Variants in AK7 observed in about 807,000 individuals in gnomAD.
AK7 encodes the protein ATP-AMP transphosphorylase 7.
AK7 carries 78 observed loss-of-function variants against 96.6 expected under a neutral mutation model. The ratio of observed to expected loss-of-function variants is 0.81; its 90% CI spans 0.67 to 0.97. AK7 has a LOEUF of 0.97. Among genes scored for constraint, AK7 ranks in the 50% least tolerant of loss-of-function variants. AK7 has a pLI of 0.00. For synonymous variants in AK7, 302 were observed against 317.2 expected, an observed-to-expected ratio of 0.95 and a Z score of 0.51; for missense variants, 855 against 887.9, an observed-to-expected ratio of 0.96 and a Z score of 0.47.
intron 2 of AK7, among the ~76,000 whole-genome samples, chr14:96,402,992 G>A (rs1890503523): frequency 6.6e-6 from 1 of 152,034 alleles, no homozygotes; most frequent in African/African-American, 2.4e-5. Context: ...GTGGGTGCCT[G>A]TAATCCCAGC....
chr14:96,446,513 G>A lies in AK7; in HGVS notation c.780-4G>A. The A allele has an allele frequency of 6.2e-7, 1 of 1,613,666 alleles. No individual in the cohort carries two copies. The highest frequency in any genetic ancestry group is 1.7e-5 in the Admixed American group (1 of 60,016). On this transcript the variant is annotated splice_region_variant and splice_polypyrimidine_tract_variant and intron_variant, in intron 7 of 17. Transcript: ENST00000267584. Reference sequence around the variant, plus strand: ...TGATGATTATTTTACCTGTGGGTCTGCAGAGTGATACAAAACGTCATAGAT... The same window carrying A: ...TGATGATTATTTTACCTGTGGGTCTACAGAGTGATACAAAACGTCATAGAT...
chr14:96,476,958 C>T (rs1407297605), intron 14 of AK7, among the ~76,000 whole-genome samples: 1 of 151,998 alleles, frequency 6.6e-6, no homozygotes, highest in African/African-American at 2.4e-5. Context: ...TATAGATGTC[C>T]GACATCATAG....
In AK7 at chr14:96,435,478, A is replaced by G. The variant is rs2140077686; in HGVS notation, c.610-2357A>G. On this transcript the variant is annotated intron_variant, in intron 5 of 17. Coordinates refer to ENST00000267584, the MANE Select transcript of AK7 (RefSeq NM_152327.5). ...AGAAGGAAGGAGTCTCTTCGGAGCC[A>G]CGAGCCATGCAGCTTGGGGTTAGAG... 1.3e-5 allele frequency among the ~76,000 whole-genome samples: 2 copies of G among 152,174 alleles called. 1 individual carries two copies.
rs189116245 is a variant in AK7 at position 96,430,586 on chromosome 14, G to A, written c.610-7249G>A. Among the ~76,000 whole-genome samples the A allele has an allele frequency of 2.2e-4, 33 of 152,266 alleles. No individual in the cohort carries two copies. In the East Asian group the frequency reaches 5.2e-3, roughly 24 times the overall value. ...GTTTATGTGATGGATTACGTTTATTGATTTGTGTATGTTGAACCAGCCTTG... is the reference window on the plus strand; with the variant it reads ...GTTTATGTGATGGATTACGTTTATTAATTTGTGTATGTTGAACCAGCCTTG... On this transcript the variant is annotated intron_variant, in intron 5 of 17. Transcript: ENST00000267584.
intron 7 of AK7, among the ~76,000 whole-genome samples, chr14:96,444,219 C>G (rs970371153): frequency 2.0e-5 from 3 of 152,182 alleles, no homozygotes; most frequent in African/African-American, 7.2e-5. Context: ...AACCCTGGAT[C>G]TGCTCCATCC....
intron 5 of AK7, among the ~76,000 whole-genome samples, chr14:96,423,069 G>A (rs576922214): frequency 2.0e-5 from 3 of 152,258 alleles, no homozygotes; most frequent in Admixed American, 6.5e-5. Context: ...CCTGATAAGC[G>A]GTCAGCTAGT....
intron 12 of AK7, among the ~76,000 whole-genome samples, chr14:96,468,706 C>T (rs1372742701): frequency 2.6e-5 from 4 of 152,046 alleles, no homozygotes; most frequent in Non-Finnish European, 4.4e-5. Context: ...TCTCAAATGC[C>T]GTCCCTCACA....
intron 7 of AK7, among the ~76,000 whole-genome samples, 168 bp from the exon 8 acceptor site, chr14:96,446,349 T>C (rs1235155775): frequency 1.3e-5 from 2 of 152,216 alleles, no homozygotes; most frequent in Non-Finnish European, 2.9e-5. Flanking sequence ...CTTCCTCATG[T>C]GGAGAATGCA....
chr14:96,397,710 C>T (rs1443592683), intron 1 of AK7, among the ~76,000 whole-genome samples: 1 of 152,192 alleles, frequency 6.6e-6, no homozygotes, highest in Non-Finnish European at 1.5e-5. Context: ...AGCAAGACCA[C>T]ATCTTTAACA....
Position 96,458,072 on chromosome 14 carries a change from G to A in AK7, c.1228-11G>A. The A allele has an allele frequency of 6.2e-7, 1 of 1,611,938 alleles. No homozygotes were observed. The highest frequency in any genetic ancestry group is 1.1e-5 in the South Asian group (1 of 90,976). On this transcript the variant is annotated splice_polypyrimidine_tract_variant and intron_variant, in intron 11 of 17. Coordinates refer to ENST00000267584, the MANE Select transcript of AK7 (RefSeq NM_152327.5). The stretch of plus-strand genomic sequence containing the variant: ...GGCATCATCCAATGTGAATATCCCT[G>A]TGGTATGCAGGAGGCGATTGTTGCC...
At chr14:96,432,351 CTG>C (rs1160949234) in intron 5 of AK7, among the ~76,000 whole-genome samples, 1 of 152,042 alleles carries the variant, frequency 6.6e-6, no homozygotes, top group African/African-American at 2.4e-5. Context: ...ATTTGCCAGT[CTG>C]TGTCTTTTAA....
chr14:96,421,708 T>C (rs1891707615), intron 5 of AK7: 1 of 151,288 alleles, frequency 6.6e-6, no homozygotes, highest in South Asian at 2.1e-4. Flanking sequence ...TGGGTTCAAA[T>C]CATTCTCCTG....
At chr14:96,485,778 C>A (rs779801508) in intron 16 of AK7, among the ~76,000 whole-genome samples, 103 of 148,430 alleles carry the variant, frequency 6.9e-4, no homozygotes, top group Non-Finnish European at 1.2e-3. Flanking sequence ...TCCTTTCAAA[C>A]AAATATCAGC....
At chr14:96,433,936 G>A (rs933118655) in intron 5 of AK7, among the ~76,000 whole-genome samples, 10 of 152,040 alleles carry the variant, frequency 6.6e-5, no homozygotes, top group Non-Finnish European at 1.2e-4. Flanking sequence ...AAATTCATCC[G>A]ATGGAATTCT....
chr14:96,487,505 C>G (rs1895844379), intron 17 of AK7, among the ~76,000 whole-genome samples: 1 of 147,738 alleles, frequency 6.8e-6, no homozygotes, highest in Admixed American at 6.7e-5. Flanking sequence ...TCTCGGCTCA[C>G]TGCAACCTCC....
chr14:96,448,516 T>C (rs962775980), intron 8 of AK7, among the ~76,000 whole-genome samples: 5 of 150,552 alleles, frequency 3.3e-5, no homozygotes, highest in African/African-American at 7.3e-5. Context: ...TATAGTTCCA[T>C]GTACTTGAGA....
At chr14:96,421,633 T>G (rs1412333242) in intron 5 of AK7, 2 of 146,250 alleles carry the variant, frequency 1.4e-5, no homozygotes, top group Non-Finnish European at 3.0e-5. Context: ...TGAGATGGAG[T>G]CTCGCTCTGT....
In AK7 at chr14:96,487,031, G is replaced by C. The variant is rs868516449; in HGVS notation, c.2108G>C (p.Arg703Pro). ...GGCCTGAATGAATGTTGCAACGTCC[G>C]ACCCGAAGACCCTGTTGATTTTCTG... The part of the protein sequence containing the change: ...IQGLNECCNV[R>P]PEDPVDFLAE... The change falls in exon 17 of 18, where the codon CGA becomes CCA. Residue 703 changes from arginine to proline, a missense_variant. Physicochemically the swap from Arg to Pro is moderately radical, Grantham distance 103. Transcript: ENST00000267584. 1 of 1,613,896 alleles carries C rather than the reference G, an allele frequency of 6.2e-7. No individual in the cohort carries two copies. The highest frequency in any genetic ancestry group is 8.5e-7 in the Non-Finnish European group (1 of 1,179,966).
Position 96,486,956 on chromosome 14 carries a change from T to C in AK7, c.2033T>C (p.Ile678Thr). The C allele has an allele frequency of 6.2e-7, 1 of 1,613,904 alleles. No homozygotes were observed. Among genetic ancestry groups the C allele is most frequent in the Non-Finnish European group, 8.5e-7 (1 of 1,179,782 alleles). ...EERELLEAQS[I>T]PLRNYLMTYV... The stretch of plus-strand genomic sequence containing the variant: ...AGAGAATTACTGGAGGCTCAGTCAA[T>C]TCCCCTGAGAAACTATTTAATGACC... Residue 678 changes from isoleucine to threonine, a missense_variant, in exon 17 of 18, where the codon ATT becomes ACT. Transcript: ENST00000267584.
Sources: allele counts gnomAD v4.1 joint callset (sites outside exome capture counted in the v4.1 genomes callset), GRCh38; gene constraint gnomAD v4.1.1; transcripts MANE v1.5; gene names NCBI Gene and HGNC (gene_info 2026-07-23, HGNC 2026-07-21).